The following TSEN2 variants were observed in gnomAD, a reference collection of about 807,000 sequenced individuals.
TSEN2 encodes the protein tRNA splicing endonuclease subunit 2.
Under a neutral mutation model 59.2 loss-of-function variants are expected in TSEN2, and 54 were observed. The ratio of observed to expected loss-of-function variants is 0.91; its 90% CI spans 0.73 to 1.14. TSEN2 has a LOEUF of 1.14. TSEN2 is among the 50% of genes most tolerant of loss of function. The pLI is 0.00. For synonymous variants in TSEN2, 195 were observed against 198.2 expected (o/e 0.98, Z 0.14); for missense variants, 636 against 576.2 (o/e 1.10, Z -1.06).
upstream of TSEN2, among the ~76,000 whole-genome samples, chr3:12,480,537 T>TG (rs1273112598): frequency 7.0e-5 from 10 of 142,114 alleles, no homozygotes; most frequent in African/African-American, 2.4e-4. Flanking sequence ...TGTTTTTTTT[T>TG]TTTTTTTTTT....
intron 8 of TSEN2, among the ~76,000 whole-genome samples, chr3:12,523,215 T>G (rs1024372801): frequency 2.6e-5 from 4 of 152,184 alleles, no homozygotes; most frequent in African/African-American, 9.7e-5. Flanking sequence ...TTGATTTGAT[T>G]TGGTGTGACC....
Position 12,503,386 on chromosome 3 carries a change from G to A in TSEN2, c.433G>A (p.Glu145Lys), listed in dbSNP as rs919381397. 1.2e-6 allele frequency: 2 copies of A among 1,614,088 alleles called. No homozygotes were observed. Among genetic ancestry groups the A allele is most frequent in the Non-Finnish European group, 8.5e-7 (1 of 1,180,050 alleles). Residue 145 changes from glutamate (E) to lysine (K), a missense_variant, in exon 5 of 12, where the codon GAA becomes AAA. Glu to Lys is a moderately conservative substitution (Grantham distance 56). Coordinates refer to ENST00000284995, the MANE Select transcript of TSEN2 (RefSeq NM_025265.4). Reference protein sequence around the residue: ...PLEHPPVKRNEEAQVHDKLNS... With the variant: ...PLEHPPVKRNKEAQVHDKLNS... ...TGAGCATCCTCCTGTGAAAAGGAATGAAGAGGCTCAAGTGCATGACAAGCT... is the reference window on the plus strand; with the variant it reads ...TGAGCATCCTCCTGTGAAAAGGAATAAAGAGGCTCAAGTGCATGACAAGCT...
In TSEN2 at chr3:12,531,593, T is replaced by G. The variant is rs111535594; in HGVS notation, c.1272T>G (p.Ile424Met). 1 of 1,611,898 alleles carries G rather than the reference T, an allele frequency of 6.2e-7. No individual in the cohort carries two copies. ...VSKELMLCYL[I>M]KPSTMTDKEM... Reference sequence around the variant, plus strand: ...AGGAACTTATGCTGTGCTATTTGATTAAACCCTCTACTATGACTGACAAGG... The same window carrying G: ...AGGAACTTATGCTGTGCTATTTGATGAAACCCTCTACTATGACTGACAAGG... The change falls in exon 11 of 12, where the codon ATT becomes ATG. Residue 424 changes from isoleucine (I) to methionine (M), a missense_variant. Physicochemically the swap from Ile to Met is conservative, Grantham distance 10. Transcript: ENST00000284995.
chr3:12,510,585 A>G (rs299658), intron 6 of TSEN2, among the ~76,000 whole-genome samples: 97,526 of 152,024 alleles, frequency 0.64, 33,899 homozygotes, highest in African/African-American at 0.91. Flanking sequence ...AGTCTCAGTC[A>G]GATCTCGTTT....
upstream of TSEN2, among the ~76,000 whole-genome samples, chr3:12,483,038 G>C (rs1290365485): frequency 6.6e-6 from 1 of 152,198 alleles, no homozygotes; most frequent in African/African-American, 2.4e-5. Flanking sequence ...ACTGAATGCT[G>C]CGACATGATC....
intron 6 of TSEN2, among the ~76,000 whole-genome samples, chr3:12,506,269 T>C (rs2054824498): frequency 6.6e-6 from 1 of 152,148 alleles, no homozygotes. Flanking sequence ...TTCTGCAGGA[T>C]CCCTCTACTT....
At chr3:12,505,266 G>A in intron 6 of TSEN2, 35 bp downstream of exon 6, 1 of 1,376,514 alleles carries the variant, frequency 7.3e-7, no homozygotes, top group Non-Finnish European at 1.0e-6. Context: ...TCAGCCATCG[G>A]TCTCTGGGCC....
At chr3:12,531,539 G>A (rs1192893599) in intron 10 of TSEN2, 31 bp from the exon 11 acceptor site, 24 of 1,445,714 alleles carry the variant, frequency 1.7e-5, no homozygotes, top group African/African-American at 2.8e-5. Flanking sequence ...TATTTTGTAG[G>A]ATACAGAAGT....
At chr3:12,492,318 C>T in intron 3 of TSEN2, 101 bp downstream of exon 3, 1 of 1,014,698 alleles carries the variant, frequency 9.9e-7, no homozygotes, top group Non-Finnish European at 1.5e-6. Context: ...AGAGAAGTAA[C>T]ATGTACACTG....
chr3:12,516,239 A>G (rs537676800), intron 6 of TSEN2, among the ~76,000 whole-genome samples: 1 of 152,066 alleles, frequency 6.6e-6, no homozygotes, highest in Non-Finnish European at 1.5e-5. Context: ...CCTGGCTAAC[A>G]CTGTGAAACC....
intron 2 of TSEN2, 38 bp downstream of exon 2, chr3:12,490,027 A>G (rs1246468612): frequency 6.3e-7 from 1 of 1,594,548 alleles, no homozygotes; most frequent in Admixed American, 1.7e-5. Flanking sequence ...ACTTTCAGAC[A>G]ACCCTGAGCA....
At chr3:12,530,310 C>T (rs1035584226) in intron 10 of TSEN2, 6 of 990,576 alleles carry the variant, frequency 6.1e-6, no homozygotes, top group East Asian at 2.2e-4. Context: ...AGCACTTTCC[C>T]ACCCTGTTGT....
At chr3:12,519,238 A>G (rs2056418339) in intron 8 of TSEN2, 41 bp downstream of exon 8, 1 of 1,612,526 alleles carries the variant, frequency 6.2e-7, no homozygotes, top group Non-Finnish European at 8.5e-7. Flanking sequence ...AATAGAGTTT[A>G]TATCAGATTC....
At chr3:12,489,747 T>G in intron 1 of TSEN2, 37 bp from the exon 2 acceptor site, 3 of 1,573,334 alleles carry the variant, frequency 1.9e-6, no homozygotes, top group Non-Finnish European at 2.6e-6. Context: ...AGTTATTGAT[T>G]GTCTGTTTCT....
At chr3:12,515,866 T>C (rs530125472) in intron 6 of TSEN2, among the ~76,000 whole-genome samples, 1 of 151,888 alleles carries the variant, frequency 6.6e-6, no homozygotes, top group South Asian at 2.1e-4. Context: ...CCCACACTTT[T>C]CACACCTTTT....
intron 6 of TSEN2, among the ~76,000 whole-genome samples, chr3:12,516,241 T>C (rs902241272): frequency 1.4e-4 from 21 of 151,898 alleles, no homozygotes; most frequent in African/African-American, 4.8e-4. Flanking sequence ...TGGCTAACAC[T>C]GTGAAACCCG....
chr3:12,515,028 A>G (rs1265530447), intron 6 of TSEN2: 1 of 152,230 alleles, frequency 6.6e-6, no homozygotes, highest in Non-Finnish European at 1.5e-5. Context: ...TGGAGAGAGC[A>G]CAAATGAGGC....
At chr3:12,493,847 CTA>C (rs1163368907) in intron 3 of TSEN2, among the ~76,000 whole-genome samples, 1 of 152,170 alleles carries the variant, frequency 6.6e-6, no homozygotes, top group African/African-American at 2.4e-5. Flanking sequence ...TCCAATTTAT[CTA>C]TTTTTTCTAC....
rs1397380488 is a variant in TSEN2 at position 12,530,014 on chromosome 3, G to A, written c.1248+141G>A. 6 of 1,481,482 alleles carry A rather than the reference G, an allele frequency of 4.1e-6. No individual in the cohort carries two copies. In the East Asian group the frequency reaches 1.2e-4, roughly 31 times the overall value. 91.8% of individuals were successfully genotyped at this position (1,481,482 alleles called of 1,614,324 possible). A position where few individuals can be genotyped will look rare whatever the true frequency, so the allele number is the denominator to read the frequency against. ...CCAGTGACATGCTGGAAGATTTGGG[G>A]TCATTCGTACCCTTCCCTTATTGCG... On this transcript the variant is annotated intron_variant, in intron 10 of 11. Transcript: ENST00000284995.
Sources: allele counts gnomAD v4.1 joint callset (sites outside exome capture counted in the v4.1 genomes callset), GRCh38; gene constraint gnomAD v4.1.1; transcripts MANE v1.5; gene names NCBI Gene and HGNC (gene_info 2026-07-23, HGNC 2026-07-21).